TENM3: variants seen among roughly 807,000 people sequenced by gnomAD.
TENM3 encodes teneurin transmembrane protein 3.
A neutral mutation model predicts 255.1 loss-of-function variants in TENM3; 63 were observed. The observed-to-expected ratio is 0.25, with a 90% CI of 0.20 to 0.30. The LOEUF (loss-of-function observed/expected upper bound fraction) is 0.30. Among genes scored for constraint, TENM3 ranks in the 10% least tolerant of loss-of-function variants. The probability of loss-of-function intolerance (pLI) is 1.00; values close to 1 mark genes in which losing one functional copy is unlikely to be tolerated. For synonymous variants in TENM3, 1,306 were observed against 1,322.3 expected (o/e 0.99, Z 0.27); for missense variants, 2,929 against 3,461.1 (o/e 0.85, Z 3.86).
chr4:182,266,072 C>T (rs752564764), intron 1 of TENM3, among the ~76,000 whole-genome samples: 1 of 152,196 alleles, frequency 6.6e-6, no homozygotes, highest in African/African-American at 2.4e-5. Context: ...TAGCCACGCC[C>T]CCTAGCTGTG....
chr4:181,630,256 C>T, the TENM3 span, among the ~76,000 whole-genome samples: 1 of 152,150 alleles, frequency 6.6e-6, no homozygotes, highest in Non-Finnish European at 1.5e-5. Context: ...TGCTAGTGGT[C>T]TATCAATTGT....
the TENM3 span, among the ~76,000 whole-genome samples, chr4:181,635,318 A>G: frequency 6.6e-6 from 1 of 152,230 alleles, no homozygotes; most frequent in African/African-American, 2.4e-5. Flanking sequence ...AGTGAAAATA[A>G]ACACTGATGT....
At chr4:182,276,295 C>G (rs960130565) in intron 1 of TENM3, among the ~76,000 whole-genome samples, 2 of 152,162 alleles carry the variant, frequency 1.3e-5, no homozygotes, top group African/African-American at 4.8e-5. Context: ...CCTTTTATCA[C>G]GTGAAAAGAA....
At chr4:182,680,164 A>G (rs1756030220) in intron 8 of TENM3, 84 bp from the exon 9 acceptor site, 2 of 992,614 alleles carry the variant, frequency 2.0e-6, no homozygotes, top group Admixed American at 2.0e-5. Context: ...ATTATCTAGC[A>G]TAAATGAAGA....
the TENM3 span, among the ~76,000 whole-genome samples, chr4:181,559,536 T>C: frequency 6.6e-6 from 1 of 152,260 alleles, no homozygotes; most frequent in Admixed American, 6.5e-5. Flanking sequence ...TGTTTCCTTA[T>C]TTGAAAAATT....
chr4:182,188,073 G>C (rs190202554), intron 1 of TENM3, among the ~76,000 whole-genome samples: 31 of 152,140 alleles, frequency 2.0e-4, no homozygotes, highest in Admixed American at 1.7e-3. Context: ...AATTTTGAAG[G>C]TCTCAATAAT....
At chr4:182,180,125 G>A (rs1348395873) in intron 1 of TENM3, among the ~76,000 whole-genome samples, 2 of 137,420 alleles carry the variant, frequency 1.5e-5, no homozygotes, top group African/African-American at 4.9e-5. Context: ...AAAAAAAATC[G>A]AAGAGTTTTT....
At chr4:182,663,187 G>A (rs190892856) in intron 6 of TENM3, among the ~76,000 whole-genome samples, 292 of 152,216 alleles carry the variant, frequency 1.9e-3, no homozygotes, top group African/African-American at 6.7e-3. Context: ...AAGTTGACAG[G>A]CACTTTAGAG....
chr4:181,802,701 G>A, the TENM3 span, among the ~76,000 whole-genome samples: 2 of 151,934 alleles, frequency 1.3e-5, no homozygotes, highest in Non-Finnish European at 2.9e-5. Context: ...TTAATTATCT[G>A]TTTATACCTT....
At chr4:182,141,247 A>G (rs1027937738), upstream of TENM3, 4 of 152,244 alleles carry the variant, frequency 2.6e-5, no homozygotes, top group African/African-American at 4.8e-5. Flanking sequence ...CTTGCAAAAC[A>G]GACAGCGATG....
intron 4 of TENM3, among the ~76,000 whole-genome samples, chr4:182,621,129 C>A (rs959174126): frequency 6.6e-6 from 1 of 151,502 alleles, no homozygotes; most frequent in Non-Finnish European, 1.5e-5. Flanking sequence ...TGCAGTGAAC[C>A]GAGGTCGCAC....
At chr4:181,524,940 A>G in the TENM3 span, among the ~76,000 whole-genome samples, 1 of 152,238 alleles carries the variant, frequency 6.6e-6, no homozygotes, top group Non-Finnish European at 1.5e-5. Flanking sequence ...AAGTATGCAC[A>G]TGACTCTCAC....
At chr4:182,641,896 C>G (rs936765036) in intron 5 of TENM3, among the ~76,000 whole-genome samples, 3 of 152,134 alleles carry the variant, frequency 2.0e-5, no homozygotes, top group Non-Finnish European at 4.4e-5. Flanking sequence ...GTACTGCAAG[C>G]CTTTGAATAA....
chr4:181,610,838 A>C, the TENM3 span, among the ~76,000 whole-genome samples: 1 of 152,152 alleles, frequency 6.6e-6, no homozygotes, highest in Non-Finnish European at 1.5e-5. Flanking sequence ...TAAGAATCAC[A>C]GGTGCTCCTT....
chr4:181,673,471 AT>A, the TENM3 span, among the ~76,000 whole-genome samples: 3 of 152,182 alleles, frequency 2.0e-5, no homozygotes, highest in Non-Finnish European at 4.4e-5. Flanking sequence ...TATAATAGAA[AT>A]TTTAAGCAAT....
chr4:182,097,104 C>T, the TENM3 span, among the ~76,000 whole-genome samples: 4 of 152,056 alleles, frequency 2.6e-5, no homozygotes, highest in Admixed American at 6.6e-5. Context: ...AGGGTGCTTT[C>T]GGTGTGGCTG....
chr4:182,337,761 A>C (rs907772338), intron 2 of TENM3, among the ~76,000 whole-genome samples: 3 of 152,248 alleles, frequency 2.0e-5, no homozygotes, highest in Non-Finnish European at 4.4e-5. Context: ...AAGAGAATGG[A>C]TATAACAATT....
Position 182,473,402 on chromosome 4 carries a change from C to T in TENM3, c.511+126473C>T, listed in dbSNP as rs7697821. 2.0e-5 allele frequency among the ~76,000 whole-genome samples: 3 copies of T among 152,040 alleles called. No individual in the cohort carries two copies. The South Asian group carries it at 6.2e-4, about 31-fold the overall frequency. On this transcript the variant is annotated intron_variant, in intron 3 of 27. Coordinates refer to ENST00000511685, the MANE Select transcript of TENM3 (RefSeq NM_001080477.4). ...TTGTTTATAAAAACTGGCCGGGTGC[C>T]GTGGCTCATGCCTGTAATCCCAGCA...
At chr4:181,917,122 C>G in the TENM3 span, among the ~76,000 whole-genome samples, 2 of 152,146 alleles carry the variant, frequency 1.3e-5, no homozygotes, top group Non-Finnish European at 2.9e-5. Context: ...ATGTGCCTGG[C>G]GCTCTTATGG....
Sources: gnomAD v4.1 joint callset for allele counts (sites outside exome capture counted in the v4.1 genomes callset) on GRCh38, gnomAD v4.1.1 for gene constraint, MANE v1.5 for transcripts, NCBI Gene and HGNC (gene_info 2026-07-23, HGNC 2026-07-21) for gene names.